The following CLPTM1 variants were observed in gnomAD, a reference collection of about 807,000 sequenced individuals.
The protein encoded by CLPTM1 is CLPTM1 regulator of GABA type A receptor forward trafficking.
In CLPTM1, 21 loss-of-function variants were observed where a neutral mutation model predicts 77.3. The observed-to-expected ratio is 0.27, with a 90% CI of 0.19 to 0.39. The LOEUF (loss-of-function observed/expected upper bound fraction) is 0.39. CLPTM1 is among the 10% of genes least tolerant of loss of function. The probability of loss-of-function intolerance (pLI) is 1.00; values close to 1 mark genes in which losing one functional copy is unlikely to be tolerated. For missense variants in CLPTM1, 642 were observed against 921.2 expected, an observed-to-expected ratio of 0.70 and a Z score of 3.92; for synonymous variants, 373 against 381.0, an observed-to-expected ratio of 0.98 and a Z score of 0.24.
intron 1 of CLPTM1, among the ~76,000 whole-genome samples, chr19:44,957,681 G>A (rs1310443883): frequency 1.3e-5 from 2 of 152,216 alleles, no homozygotes; most frequent in Admixed American, 6.5e-5. Flanking sequence ...AGTCACTGAT[G>A]TGTCCACAGC....
chr19:44,957,982 GAAC>G (rs1198021100), intron 1 of CLPTM1, among the ~76,000 whole-genome samples: 1 of 151,998 alleles, frequency 6.6e-6, no homozygotes, highest in Non-Finnish European at 1.5e-5. Flanking sequence ...GACACACAGT[GAAC>G]AAGATAAATA....
In CLPTM1 at chr19:44,990,636, G is replaced by A. The variant is rs1568390447; in HGVS notation, c.1323+51G>A. The A allele has an allele frequency of 4.4e-6, 7 of 1,588,270 alleles. No homozygotes were observed. The highest frequency in any genetic ancestry group is 6.0e-6 in the Non-Finnish European group (7 of 1,161,686). On this transcript the variant is annotated intron_variant, in intron 10 of 13. Transcript: ENST00000337392. This position sits in a 1 kb window ranked among gnomAD's most constrained non-coding sequence, Gnocchi z 4.8. The stretch of plus-strand genomic sequence containing the variant: ...CGGGAGCTGCAGGGGTTGGGAGGGG[G>A]TAGTGTGGCCCAGCTGGACCCTGGA...
intron 3 of CLPTM1, among the ~76,000 whole-genome samples, chr19:44,973,720 G>T (rs892335406): frequency 6.6e-6 from 1 of 150,532 alleles, no homozygotes; most frequent in Non-Finnish European, 1.5e-5. Context: ...CATGGCCATT[G>T]GGGCTTGAGA....
upstream of CLPTM1, chr19:44,955,316 C>A: frequency 8.0e-7 from 1 of 1,255,672 alleles, no homozygotes; most frequent in South Asian, 1.8e-5. Context: ...GCTAGGAAAG[C>A]GTGAAATCTC....
intron 7 of CLPTM1, chr19:44,986,844 T>C (rs1018591947): frequency 2.6e-5 from 14 of 535,108 alleles, no homozygotes; most frequent in Admixed American, 1.8e-4. Flanking sequence ...AAATGTCTTA[T>C]CACTTGCCAG....
chr19:44,963,968 A>G (rs1414861423), intron 2 of CLPTM1, among the ~76,000 whole-genome samples: 3 of 146,506 alleles, frequency 2.0e-5, no homozygotes, highest in Admixed American at 1.4e-4. Context: ...GGGTTTCACT[A>G]TGTTGACCAG....
At chr19:44,954,694 G>A (rs1970429026), upstream of CLPTM1, 2 of 1,177,612 alleles carry the variant, frequency 1.7e-6, no homozygotes, top group Non-Finnish European at 2.1e-6. Flanking sequence ...CTAGCCCACG[G>A]ATGCGAGGTT....
At chr19:44,974,653 CT>C (rs11318909) in intron 4 of CLPTM1, 56 bp downstream of exon 4, 1,577,758 of 1,577,760 alleles carry the variant, frequency 1, 788,878 homozygotes, top group Middle Eastern at 1. Flanking sequence ...ACTGAAGGAC[CT>C]TTTCCTCCAG....
At chr19:44,955,975 G>A (rs1322300862) in intron 1 of CLPTM1, 2 of 153,672 alleles carry the variant, frequency 1.3e-5, no homozygotes, top group Non-Finnish European at 2.9e-5. Context: ...GGTCATCCTG[G>A]TTAGGTTTGT....
Position 44,991,156 on chromosome 19 carries a change from G to C in CLPTM1, c.1420-82G>C. On this transcript the variant is annotated intron_variant, in intron 11 of 13. Transcript: ENST00000337392. The surrounding 1 kb of genome is among the most constrained non-coding windows in gnomAD (Gnocchi z 5.4). ...TCCCCCTGCCCGGCCTGCCAGACCAGGTGTGGTGGGTGAGGGCGGGGAGCA... is the reference window on the plus strand; with the variant it reads ...TCCCCCTGCCCGGCCTGCCAGACCACGTGTGGTGGGTGAGGGCGGGGAGCA... 1 of 1,592,966 alleles carries C rather than the reference G, an allele frequency of 6.3e-7. No individual in the cohort carries two copies. The highest frequency in any genetic ancestry group is 8.6e-7 in the Non-Finnish European group (1 of 1,167,592).
At position 44,970,846 on chromosome 19, in the gene CLPTM1, T is replaced by C. The variant is rs552201672; in HGVS notation, c.186-2241T>C. Among the ~76,000 whole-genome samples the C allele has an allele frequency of 1.9e-4, 27 of 143,792 alleles. 1 individual carries two copies. The highest frequency in any genetic ancestry group is 3.7e-4 in the Non-Finnish European group (25 of 66,872). The allele number at this position is 143,792 out of a possible 152,430, so 94.3% of individuals were successfully genotyped here. A position where few individuals can be genotyped will look rare whatever the true frequency, so the allele number is the denominator to read the frequency against. On this transcript the variant is annotated intron_variant, in intron 2 of 13. Transcript: ENST00000337392. The stretch of plus-strand genomic sequence containing the variant: ...CTTTACTTCTTTTTTTTTTTTTCCT[T>C]GAGATGGACTTTTTGCTCTTGTTGC...
upstream of CLPTM1, chr19:44,955,340 G>C (rs1483861394): frequency 7.4e-6 from 10 of 1,354,304 alleles, 1 homozygote; most frequent in African/African-American, 3.0e-5. Flanking sequence ...CGATTGCGCT[G>C]CGAAGTCGGG....
At chr19:44,958,664 G>C (rs189893501) in intron 1 of CLPTM1, among the ~76,000 whole-genome samples, 1 of 152,110 alleles carries the variant, frequency 6.6e-6, no homozygotes, top group Non-Finnish European at 1.5e-5. Context: ...GAGCCACCAC[G>C]TCCAGCCTTG....
Position 44,992,393 on chromosome 19 carries a change from G to T in CLPTM1, c.1716G>T (p.Leu572=). Residue 572 remains leucine, a synonymous_variant, in exon 13 of 14, where the codon CTG becomes CTT. Transcript: ENST00000337392. This position sits in a 1 kb window ranked among gnomAD's most constrained non-coding sequence, Gnocchi z 7.7. The part of the protein sequence containing the change: ...KMPVMYRIGC[L]RDDVVFFIYL... The stretch of plus-strand genomic sequence containing the variant: ...CCGTTATGTACCGGATCGGCTGCCT[G>T]CGGGACGGTGAGGCCCGGTGGGCAG... The T allele has an allele frequency of 6.2e-7, 1 of 1,614,114 alleles. No individual in the cohort carries two copies. Among genetic ancestry groups the T allele is most frequent in the Non-Finnish European group, 8.5e-7 (1 of 1,179,990 alleles).
chr19:44,954,975 C>A, upstream of CLPTM1: 2 of 1,535,132 alleles, frequency 1.3e-6, no homozygotes, highest in Non-Finnish European at 1.7e-6. Flanking sequence ...GGGCGTGGTT[C>A]GAAGCCGTAC....
At chr19:44,961,343 A>G (rs1340133098) in intron 1 of CLPTM1, among the ~76,000 whole-genome samples, 2 of 152,116 alleles carry the variant, frequency 1.3e-5, no homozygotes, top group Non-Finnish European at 2.9e-5. Context: ...GGCCTCAGGA[A>G]TGGTTTGCCC....
intron 2 of CLPTM1, among the ~76,000 whole-genome samples, chr19:44,971,890 G>C (rs1447073055): frequency 1.1e-4 from 1 of 9,490 alleles, no homozygotes. Context: ...TTTTTTTTTT[G>C]AGATGGAGTC....
intron 6 of CLPTM1, 27 bp from the exon 7 acceptor site, chr19:44,986,428 G>A: frequency 6.2e-7 from 1 of 1,612,018 alleles, no homozygotes. Flanking sequence ...ACCTGCCTCT[G>A]AGGTCCTTCC....
At chr19:44,983,221 C>T (rs1436029210) in intron 5 of CLPTM1, among the ~76,000 whole-genome samples, 1 of 152,160 alleles carries the variant, frequency 6.6e-6, no homozygotes. Flanking sequence ...AGAGCCCCCG[C>T]TGTTGGCCAG....
Sources: gnomAD v4.1 joint callset for allele counts (sites outside exome capture counted in the v4.1 genomes callset) on GRCh38, gnomAD v4.1.1 for gene constraint, Gnocchi (gnomAD v3.1) non-coding constraint, MANE v1.5 for transcripts, NCBI Gene and HGNC (gene_info 2026-07-23, HGNC 2026-07-21) for gene names.